ZNF385B: variants seen among roughly 807,000 people sequenced by gnomAD.
ZNF385B encodes the protein zinc finger protein 385B.
ZNF385B carries 23 observed loss-of-function variants against 39.2 expected under a neutral mutation model. The ratio of observed to expected loss-of-function variants is 0.59; its 90% confidence interval spans 0.42 to 0.83. ZNF385B has a LOEUF of 0.83. Among genes scored for constraint, ZNF385B ranks in the 40% least tolerant of loss-of-function variants. The probability of loss-of-function intolerance (pLI) is 0.00; values close to 1 mark genes in which losing one functional copy is unlikely to be tolerated. For synonymous variants in ZNF385B, 205 were observed against 222.6 expected, an observed-to-expected ratio of 0.92 and a Z score of 0.70; for missense variants, 552 against 598.9, an observed-to-expected ratio of 0.92 and a Z score of 0.82.
At chr2:179,446,993 T>C (rs563802054) in intron 6 of ZNF385B, among the ~76,000 whole-genome samples, 3 of 152,304 alleles carry the variant, frequency 2.0e-5, no homozygotes, top group East Asian at 1.9e-4. Flanking sequence ...GGATGACTTA[T>C]GAAAAATGAC....
At chr2:179,744,914 C>A (rs1278982184) in intron 3 of ZNF385B, among the ~76,000 whole-genome samples, 1 of 151,922 alleles carries the variant, frequency 6.6e-6, no homozygotes, top group African/African-American at 2.4e-5. Flanking sequence ...TGGAGGCTAA[C>A]TTTGTGTCTG....
intron 3 of ZNF385B, among the ~76,000 whole-genome samples, chr2:179,618,888 G>T (rs1689978623): frequency 6.6e-6 from 1 of 152,108 alleles, no homozygotes; most frequent in African/African-American, 2.4e-5. Context: ...ACTTACAATA[G>T]ACACAGTTAC....
chr2:179,753,977 G>A (rs1702850000), intron 3 of ZNF385B, among the ~76,000 whole-genome samples: 1 of 152,160 alleles, frequency 6.6e-6, no homozygotes, highest in Non-Finnish European at 1.5e-5. Flanking sequence ...GTGTTGAATA[G>A]GAGTGGTGAG....
At chr2:179,583,447 G>A (rs551329843) in intron 3 of ZNF385B, among the ~76,000 whole-genome samples, 2 of 152,206 alleles carry the variant, frequency 1.3e-5, no homozygotes, top group African/African-American at 4.8e-5. Flanking sequence ...TATATATTAA[G>A]TACTTTATAT....
At chr2:179,450,436 G>A (rs147927210) in intron 6 of ZNF385B, among the ~76,000 whole-genome samples, 17,764 of 152,064 alleles carry the variant, frequency 0.12, 1,368 homozygotes, top group East Asian at 0.34. Flanking sequence ...AAAAGTGGGC[G>A]AAGGATATGA....
At chr2:179,817,140 C>T (rs1485439384) in intron 1 of ZNF385B, among the ~76,000 whole-genome samples, 2 of 152,170 alleles carry the variant, frequency 1.3e-5, no homozygotes, top group African/African-American at 4.8e-5. Context: ...CAACTGCCCA[C>T]CTTTTCATTG....
intron 3 of ZNF385B, among the ~76,000 whole-genome samples, chr2:179,726,679 T>C (rs1244199445): frequency 1.3e-5 from 2 of 152,020 alleles, no homozygotes; most frequent in Admixed American, 6.6e-5. Flanking sequence ...AAGTCCAATA[T>C]CAACACACAA....
At chr2:179,483,559 A>G in intron 5 of ZNF385B, 125 bp from the exon 6 acceptor site, 1 of 1,294,394 alleles carries the variant, frequency 7.7e-7, no homozygotes, top group Non-Finnish European at 1.1e-6. Flanking sequence ...GTACCTGACT[A>G]TGTTTTTGGC....
chr2:179,679,054 G>A (rs976765362), intron 3 of ZNF385B, among the ~76,000 whole-genome samples: 23 of 152,096 alleles, frequency 1.5e-4, no homozygotes, highest in African/African-American at 5.6e-4. Flanking sequence ...AGTGTTAGAC[G>A]CTCATGTAAT....
chr2:179,698,853 C>T (rs73046838), intron 3 of ZNF385B, among the ~76,000 whole-genome samples: 2,749 of 152,244 alleles, frequency 0.018, 78 homozygotes, highest in African/African-American at 0.063. Context: ...CATTAAACTA[C>T]AAGTTCATGA....
At chr2:179,714,513 A>G in intron 3 of ZNF385B, among the ~76,000 whole-genome samples, 1 of 152,188 alleles carries the variant, frequency 6.6e-6, no homozygotes, top group Admixed American at 6.5e-5. Context: ...TGTATTATAC[A>G]ACAATAAAAA....
At chr2:179,827,545 A>AT (rs1232758695) in intron 1 of ZNF385B, among the ~76,000 whole-genome samples, 1 of 152,178 alleles carries the variant, frequency 6.6e-6, no homozygotes, top group African/African-American at 2.4e-5. Context: ...GAAAAATATA[A>AT]TTCTCAAATG....
intron 3 of ZNF385B, among the ~76,000 whole-genome samples, chr2:179,756,613 C>T (rs1703039486): frequency 6.6e-6 from 1 of 152,208 alleles, no homozygotes; most frequent in Admixed American, 6.5e-5. Flanking sequence ...CTTTCAGGTA[C>T]ACCAATCAAA....
intron 3 of ZNF385B, among the ~76,000 whole-genome samples, chr2:179,761,756 C>CTTT (rs1420842226): frequency 2.1e-4 from 23 of 109,586 alleles, no homozygotes; most frequent in South Asian, 3.2e-4. Context: ...CATTTTTTTT[C>CTTT]TTTTCTTTTT....
At chr2:179,620,233 CT>C (rs1690095725) in intron 3 of ZNF385B, among the ~76,000 whole-genome samples, 1 of 152,158 alleles carries the variant, frequency 6.6e-6, no homozygotes, top group Non-Finnish European at 1.5e-5. Context: ...GAGGCTTCCC[CT>C]GATTGCAAAA....
At chr2:179,464,017 T>A (rs922266017) in intron 6 of ZNF385B, among the ~76,000 whole-genome samples, 3 of 152,156 alleles carry the variant, frequency 2.0e-5, no homozygotes, top group Non-Finnish European at 4.4e-5. Flanking sequence ...CACCTGTTGT[T>A]TCCTGACTTT....
At chr2:179,665,503 T>C (rs903000210) in intron 3 of ZNF385B, among the ~76,000 whole-genome samples, 2 of 152,178 alleles carry the variant, frequency 1.3e-5, no homozygotes, top group Non-Finnish European at 2.9e-5. Flanking sequence ...ATTTATACGT[T>C]TGGAAGCTGC....
intron 3 of ZNF385B, among the ~76,000 whole-genome samples, chr2:179,713,930 T>C (rs1448176683): frequency 3.3e-5 from 5 of 152,204 alleles, no homozygotes; most frequent in African/African-American, 1.2e-4. Flanking sequence ...CTAATTTTCT[T>C]AATAATCTAG....
intron 1 of ZNF385B, among the ~76,000 whole-genome samples, chr2:179,787,663 C>T (rs1018590439): frequency 6.6e-6 from 1 of 152,134 alleles, no homozygotes; most frequent in Non-Finnish European, 1.5e-5. Context: ...CTCTTCAACT[C>T]GTTGAAACGG....
Sources: gnomAD v4.1 joint callset for allele counts (sites outside exome capture counted in the v4.1 genomes callset) on GRCh38, gnomAD v4.1.1 for gene constraint, MANE v1.5 for transcripts, NCBI Gene and HGNC (gene_info 2026-07-23, HGNC 2026-07-21) for gene names.